Variants in RELN observed in about 807,000 individuals in gnomAD.
The protein encoded by RELN is reelin.
In RELN, 108 loss-of-function variants were observed where a neutral mutation model predicts 427.6. That is an observed-to-expected ratio of 0.25 (90% confidence interval 0.22 to 0.30). The LOEUF (loss-of-function observed/expected upper bound fraction) is 0.30, where lower values mean the gene tolerates loss of function less well. Ranked by LOEUF, RELN falls within the 10% of genes least tolerant of loss-of-function variation. The probability of loss-of-function intolerance (pLI) is 1.00; values close to 1 mark genes in which losing one functional copy is unlikely to be tolerated. For missense variants in RELN, 3,715 were observed against 4,302.8 expected, an observed-to-expected ratio of 0.86 and a Z score of 3.82; for synonymous variants, 1,524 against 1,513.4, an observed-to-expected ratio of 1.01 and a Z score of -0.16.
chr7:103,899,207 T>C (rs59561019), intron 2 of RELN, among the ~76,000 whole-genome samples: 53,023 of 151,876 alleles, frequency 0.35, 9,710 homozygotes, highest in East Asian at 0.67. Context: ...ATTGATAAAT[T>C]CCTGGACACA....
intron 1 of RELN, among the ~76,000 whole-genome samples, chr7:103,978,318 A>G (rs544579177): frequency 2.6e-5 from 4 of 151,886 alleles, no homozygotes; most frequent in African/African-American, 9.7e-5. Context: ...AAATCATGTG[A>G]TATTTGTCTT....
At chr7:103,936,481 T>C (rs569635209) in intron 1 of RELN, among the ~76,000 whole-genome samples, 177 of 152,232 alleles carry the variant, frequency 1.2e-3, no homozygotes, top group Non-Finnish European at 2.1e-3. Flanking sequence ...AATTTGATCA[T>C]GGGACTCTTC....
At chr7:103,647,898 T>C (rs1832830588) in intron 16 of RELN, among the ~76,000 whole-genome samples, 1 of 151,742 alleles carries the variant, frequency 6.6e-6, no homozygotes, top group South Asian at 2.1e-4. Flanking sequence ...AATAATGCCA[T>C]CTACAGACAG....
chr7:103,757,808 G>T (rs1275308803), intron 4 of RELN, among the ~76,000 whole-genome samples: 1 of 152,142 alleles, frequency 6.6e-6, no homozygotes, highest in Admixed American at 6.5e-5. Context: ...GGCTGGAGTT[G>T]TTCTGTACCC....
intron 8 of RELN, among the ~76,000 whole-genome samples, chr7:103,707,936 T>C (rs1046443496): frequency 1.3e-5 from 2 of 152,240 alleles, no homozygotes; most frequent in African/African-American, 4.8e-5. Context: ...GTACTTGTTA[T>C]TTAAAAATGA....
intron 3 of RELN, among the ~76,000 whole-genome samples, chr7:103,826,320 A>ATGTG (rs71154374): frequency 0.019 from 2,271 of 121,990 alleles, 31 homozygotes; most frequent in African/African-American, 0.045. Flanking sequence ...GACTAAGACA[A>ATGTG]TGTGTGTGTG....
chr7:103,917,323 G>A (rs2116671277), intron 1 of RELN, 138 bp from the exon 2 acceptor site: 1 of 709,054 alleles, frequency 1.4e-6, no homozygotes, highest in Non-Finnish European at 2.4e-6. Context: ...GGTATTTTTT[G>A]TATGAGAAAT....
chr7:103,560,992 T>C (rs755061270), intron 36 of RELN, among the ~76,000 whole-genome samples: 4 of 152,220 alleles, frequency 2.6e-5, no homozygotes, highest in African/African-American at 7.2e-5. Flanking sequence ...CATATGAAGA[T>C]ATGCCAGCTT....
intron 6 of RELN, among the ~76,000 whole-genome samples, chr7:103,737,346 A>G (rs1790519913): frequency 6.6e-6 from 1 of 152,152 alleles, no homozygotes; most frequent in South Asian, 2.1e-4. Flanking sequence ...TTATTATCCA[A>G]TTTATTTCTC....
At chr7:103,581,699 A>ATCTAGACTGAC (rs1398822882) in intron 28 of RELN, among the ~76,000 whole-genome samples, 5 of 152,128 alleles carry the variant, frequency 3.3e-5, no homozygotes, top group Admixed American at 6.6e-5. Context: ...CACCATTTAA[A>ATCTAGACTGAC]TCTAGACTGA....
At chr7:103,711,623 G>A (rs1043799002) in intron 8 of RELN, among the ~76,000 whole-genome samples, 7 of 151,926 alleles carry the variant, frequency 4.6e-5, no homozygotes, top group African/African-American at 1.7e-4. Context: ...GATTAGAATC[G>A]ATGAAATGAC....
chr7:103,787,413 T>C (rs896638496), intron 3 of RELN, among the ~76,000 whole-genome samples: 7 of 150,954 alleles, frequency 4.6e-5, no homozygotes, highest in Admixed American at 2.6e-4. Context: ...TCTGAAAAGA[T>C]TAGCAAAATA....
At chr7:103,666,958 A>G (rs1331565691) in intron 11 of RELN, among the ~76,000 whole-genome samples, 1 of 152,194 alleles carries the variant, frequency 6.6e-6, no homozygotes, top group Non-Finnish European at 1.5e-5. Flanking sequence ...TTTTAACTCT[A>G]ATCTTCAGCC....
At chr7:103,942,600 A>T (rs1264298059) in intron 1 of RELN, among the ~76,000 whole-genome samples, 4 of 152,152 alleles carry the variant, frequency 2.6e-5, no homozygotes, top group African/African-American at 9.7e-5. Flanking sequence ...CCCAGGGAAG[A>T]TGGATGTTTA....
chr7:103,500,329 C>A (rs1424173309), intron 53 of RELN, among the ~76,000 whole-genome samples: 2 of 151,994 alleles, frequency 1.3e-5, no homozygotes, highest in Admixed American at 1.3e-4. Flanking sequence ...ACTGTTTAGG[C>A]CTTTTTGAAA....
intron 6 of RELN, among the ~76,000 whole-genome samples, chr7:103,747,084 C>CA (rs1790857108): frequency 6.6e-6 from 1 of 152,012 alleles, no homozygotes; most frequent in Non-Finnish European, 1.5e-5. Flanking sequence ...TATGCAGCCA[C>CA]AAAAAATGAT....
intron 40 of RELN, among the ~76,000 whole-genome samples, chr7:103,552,572 G>A (rs2535765): frequency 0.018 from 2,592 of 146,116 alleles, 60 homozygotes; most frequent in African/African-American, 0.061. Flanking sequence ...GCACAATCTC[G>A]GCTCACTGCA....
At chr7:103,818,825 G>A (rs1792946069) in intron 3 of RELN, among the ~76,000 whole-genome samples, 1 of 151,582 alleles carries the variant, frequency 6.6e-6, no homozygotes, top group Admixed American at 6.6e-5. Flanking sequence ...TTTCAAGCTA[G>A]ATTAGAAAAT....
Position 103,676,903 on chromosome 7 carries a change from G to A in RELN, c.1289+5213C>T, listed in dbSNP as rs952790898. On this transcript the variant is annotated intron_variant, in intron 11 of 64. Transcript: ENST00000428762. Reference sequence around the variant, plus strand: ...GGGGCCTGTCATGGGGTGGGAGCAGGGGGGAGGGATAGCATTAGGAGATAT... The same window carrying A: ...GGGGCCTGTCATGGGGTGGGAGCAGAGGGGAGGGATAGCATTAGGAGATAT... Among the ~76,000 whole-genome samples, 5 of 152,192 alleles carry A rather than the reference G, an allele frequency of 3.3e-5. 1 individual carries two copies. Among genetic ancestry groups the A allele is most frequent in the Middle Eastern group, 6.8e-3 (2 of 292 alleles).
Sources: allele counts gnomAD v4.1 joint callset (sites outside exome capture counted in the v4.1 genomes callset), GRCh38; gene constraint gnomAD v4.1.1; transcripts MANE v1.5; gene names NCBI Gene and HGNC (gene_info 2026-07-23, HGNC 2026-07-21).